Variants in PCDHA11 observed in about 807,000 individuals in gnomAD.
PCDHA11 encodes protocadherin alpha-11.
PCDHA11 carries 61 observed loss-of-function variants against 70.3 expected under a neutral mutation model. The observed-to-expected ratio is 0.87, with a 90% CI of 0.71 to 1.07. PCDHA11 has a LOEUF of 1.07. Ranked by LOEUF, PCDHA11 falls within the 50% of genes least tolerant of loss-of-function variation. The probability of loss-of-function intolerance (pLI) is 0.00; values close to 1 mark genes in which losing one functional copy is unlikely to be tolerated. For missense variants in PCDHA11, 1,324 were observed against 1,237.5 expected (o/e 1.07, Z -1.05); for synonymous variants, 633 against 555.1 (o/e 1.14, Z -1.97).
At chr5:140,913,203 G>A (rs2076251339) in intron 1 of PCDHA11, among the ~76,000 whole-genome samples, 1 of 152,182 alleles carries the variant, frequency 6.6e-6, no homozygotes, top group African/African-American at 2.4e-5. Flanking sequence ...TGGCAGTGAA[G>A]CCAATGGGTC....
intron 1 of PCDHA11, among the ~76,000 whole-genome samples, chr5:140,910,787 T>G (rs566298433): frequency 2.0e-5 from 3 of 152,196 alleles, no homozygotes; most frequent in Non-Finnish European, 4.4e-5. Flanking sequence ...CAACATTAAA[T>G]GCAGAATCCC....
At chr5:141,008,435 G>C (rs2098377041) in intron 3 of PCDHA11, among the ~76,000 whole-genome samples, 1 of 152,160 alleles carries the variant, frequency 6.6e-6, no homozygotes, top group South Asian at 2.1e-4. Context: ...ACTTTGCCCA[G>C]ACAGACCATT....
intron 1 of PCDHA11, chr5:140,875,217 C>G (rs1554167556): frequency 2.7e-6 from 2 of 734,894 alleles, no homozygotes; most frequent in African/African-American, 3.5e-5. Flanking sequence ...CCGAAAAGAA[C>G]CTCAGGATCT....
chr5:140,930,092 A>G (rs1554207604), intron 1 of PCDHA11: 1 of 152,204 alleles, frequency 6.6e-6, no homozygotes, highest in East Asian at 1.9e-4. Context: ...ACATCTATTT[A>G]TACTGATAGG....
At chr5:140,968,150 A>G (rs1554230413) in intron 1 of PCDHA11, 2 of 1,614,180 alleles carry the variant, frequency 1.2e-6, no homozygotes, top group Admixed American at 1.7e-5. Flanking sequence ...GATCTCTGAC[A>G]TCAATGACAA....
At chr5:140,935,486 A>C (rs1554210536) in intron 1 of PCDHA11, among the ~76,000 whole-genome samples, 1 of 152,228 alleles carries the variant, frequency 6.6e-6, no homozygotes, top group East Asian at 1.9e-4. Context: ...CTTTTCATTT[A>C]TAAGGCACAT....
At chr5:140,875,277 G>T in intron 1 of PCDHA11, 1 of 1,315,080 alleles carries the variant, frequency 7.6e-7, no homozygotes, top group African/African-American at 1.5e-5. Context: ...CACTCAGAAG[G>T]TGAAACAGGA....
chr5:140,993,033 T>C (rs1315226376), intron 3 of PCDHA11, among the ~76,000 whole-genome samples: 2 of 152,158 alleles, frequency 1.3e-5, no homozygotes, highest in African/African-American at 4.8e-5. Context: ...GTGGGCTCCG[T>C]GTGTCATCAA....
At chr5:140,882,172 T>C (rs1582596670) in intron 1 of PCDHA11, 2 of 1,514,998 alleles carry the variant, frequency 1.3e-6, no homozygotes, top group South Asian at 2.7e-5. Context: ...TGCGAATCCT[T>C]CCGCACTAGG....
At chr5:140,972,471 G>A (rs1437633114) in intron 1 of PCDHA11, among the ~76,000 whole-genome samples, 6 of 151,998 alleles carry the variant, frequency 3.9e-5, no homozygotes, top group Non-Finnish European at 8.8e-5. Context: ...TTAAACATCA[G>A]CATTTAACCC....
chr5:140,941,185 C>CT (rs782102770), intron 1 of PCDHA11, among the ~76,000 whole-genome samples: 18 of 102,242 alleles, frequency 1.8e-4, no homozygotes, highest in East Asian at 3.7e-4. Flanking sequence ...CATCCTGCTT[C>CT]TTTTTTTTTC....
intron 1 of PCDHA11, chr5:140,927,200 A>C (rs2083965383): frequency 6.2e-7 from 1 of 1,613,898 alleles, no homozygotes; most frequent in Non-Finnish European, 8.5e-7. Context: ...GTGCTCGAGG[A>C]CCCGCTGGAG....
At chr5:140,963,925 T>C (rs1293339875) in intron 1 of PCDHA11, among the ~76,000 whole-genome samples, 1 of 152,230 alleles carries the variant, frequency 6.6e-6, no homozygotes, top group Non-Finnish European at 1.5e-5. Flanking sequence ...CTAAGTAACA[T>C]GTCCATAGCC....
At chr5:140,935,073 A>G (rs77827614) in intron 1 of PCDHA11, among the ~76,000 whole-genome samples, 63 of 152,260 alleles carry the variant, frequency 4.1e-4, no homozygotes, top group African/African-American at 1.3e-3. Context: ...ATTATCTTGT[A>G]CATTTCCTTT....
At chr5:140,883,619 A>T (rs1554178937) in intron 1 of PCDHA11, 2 of 1,613,984 alleles carry the variant, frequency 1.2e-6, no homozygotes, top group Admixed American at 3.3e-5. Context: ...CGTGAACGAC[A>T]ACGCGCCGGC....
intron 1 of PCDHA11, among the ~76,000 whole-genome samples, chr5:140,971,045 T>C (rs2096453995): frequency 6.6e-6 from 1 of 152,090 alleles, no homozygotes; most frequent in East Asian, 1.9e-4. Context: ...CGTAAAAGGG[T>C]TTAGCTTTAA....
In PCDHA11 at chr5:140,870,295, T is replaced by G. The variant is rs1037957284; in HGVS notation, c.1192T>G (p.Ser398Ala). The G allele has an allele frequency of 6.2e-7, 1 of 1,614,054 alleles. No individual in the cohort carries two copies. The highest frequency in any genetic ancestry group is 8.5e-7 in the Non-Finnish European group (1 of 1,180,030). The change falls in exon 1 of 4, where the codon TCC (serine) becomes GCC (alanine). Residue 398 changes from serine to alanine, a missense_variant. Transcript: ENST00000398640. Reference sequence around the variant, plus strand: ...GCCCCACGTTCCCTTCAAGCTGGTGTCCACCTTCAAGAATTACTACTCGTT... The same window carrying G: ...GCCCCACGTTCCCTTCAAGCTGGTGGCCACCTTCAAGAATTACTACTCGTT... ...LTPHVPFKLVSTFKNYYSLVL... is the reference protein window; with the variant it reads ...LTPHVPFKLVATFKNYYSLVL...
chr5:140,994,732 G>T (rs1159331502), intron 3 of PCDHA11, among the ~76,000 whole-genome samples: 3 of 152,114 alleles, frequency 2.0e-5, no homozygotes, highest in Non-Finnish European at 4.4e-5. Flanking sequence ...ACTGGGTATT[G>T]CAGGATGGCA....
intron 1 of PCDHA11, among the ~76,000 whole-genome samples, chr5:140,941,595 A>G (rs1273931279): frequency 6.6e-6 from 1 of 152,016 alleles, no homozygotes; most frequent in Non-Finnish European, 1.5e-5. Context: ...GATTACAGCC[A>G]TGAGCCATGG....
Sources: allele counts gnomAD v4.1 joint callset (sites outside exome capture counted in the v4.1 genomes callset), GRCh38; gene constraint gnomAD v4.1.1; transcripts MANE v1.5; gene names NCBI Gene and HGNC (gene_info 2026-07-23, HGNC 2026-07-21).